Variants in SLC39A9 observed in about 807,000 individuals in gnomAD.
The protein encoded by SLC39A9 is zinc transporter ZIP9.
Under a neutral mutation model 28.4 loss-of-function variants are expected in SLC39A9, and 14 were observed. The observed-to-expected ratio is 0.49, with a 90% CI of 0.33 to 0.77. SLC39A9 has a LOEUF of 0.77. SLC39A9 is among the 30% of genes least tolerant of loss of function. The probability of loss-of-function intolerance (pLI) is 0.02; values close to 1 mark genes in which losing one functional copy is unlikely to be tolerated. For missense variants in SLC39A9, 283 were observed against 381.1 expected (o/e 0.74, Z 2.14); for synonymous variants, 119 against 149.6 (o/e 0.80, Z 1.49).
chr14:69,451,440 A>G (rs889985256), intron 3 of SLC39A9, among the ~76,000 whole-genome samples: 3 of 152,182 alleles, frequency 2.0e-5, no homozygotes, highest in Non-Finnish European at 4.4e-5. Context: ...TATTTAATAC[A>G]CATAAATGCT....
chr14:69,448,338 T>G (rs1230295733), intron 3 of SLC39A9, among the ~76,000 whole-genome samples: 1 of 152,042 alleles, frequency 6.6e-6, no homozygotes, highest in African/African-American at 2.4e-5. Flanking sequence ...AAAGTCACTC[T>G]TTGGAGGAAT....
At chr14:69,435,914 C>T (rs369113609) in intron 2 of SLC39A9, among the ~76,000 whole-genome samples, 1 of 152,140 alleles carries the variant, frequency 6.6e-6, no homozygotes, top group African/African-American at 2.4e-5. Flanking sequence ...CTCAGGTGAT[C>T]CACCTGCCTT....
At chr14:69,441,213 C>G (rs1047592110) in intron 2 of SLC39A9, among the ~76,000 whole-genome samples, 1 of 151,960 alleles carries the variant, frequency 6.6e-6, no homozygotes, top group African/African-American at 2.4e-5. Context: ...CCCGGGAGGT[C>G]GAGGGTGCAG....
In SLC39A9 at chr14:69,399,195, G is replaced by T. The variant is rs1010443053; in HGVS notation, c.-175G>T. 5.6e-5 allele frequency: 35 copies of T among 620,052 alleles called. No individual in the cohort carries two copies. The highest frequency in any genetic ancestry group is 9.1e-5 in the Non-Finnish European group (32 of 351,096). The allele number at this position is 620,052 out of a possible 1,614,324, so 38.4% of individuals were successfully genotyped here. A position where few individuals can be genotyped will look rare whatever the true frequency, so the allele number is the denominator to read the frequency against. ...CTAATATCAGCAAAAAGGGTCTGTT[G>T]CCGGGTACGTTCAAGAGGAAGGTGC... On this transcript the variant is annotated 5_prime_UTR_variant, in exon 1 of 7. Transcript: ENST00000336643.
At chr14:69,455,690 A>G (rs774600070) in intron 5 of SLC39A9, 42 bp from the exon 6 acceptor site, 47 of 1,610,356 alleles carry the variant, frequency 2.9e-5, no homozygotes, top group Admixed American at 1.7e-5. Context: ...GAAGCAACCC[A>G]TACTTCTAGA....
At chr14:69,404,190 A>G (rs1882792343) in intron 1 of SLC39A9, among the ~76,000 whole-genome samples, 1 of 152,228 alleles carries the variant, frequency 6.6e-6, no homozygotes. Flanking sequence ...TGTGCCTGTG[A>G]ATAGCCACTG....
At chr14:69,423,981 G>T in intron 1 of SLC39A9, 113 bp from the exon 2 acceptor site, 2 of 646,584 alleles carry the variant, frequency 3.1e-6, no homozygotes, top group Non-Finnish European at 5.6e-6. Context: ...GCTGTCTATT[G>T]TAGATGTTGG....
At chr14:69,425,934 G>C (rs1001875033) in intron 2 of SLC39A9, among the ~76,000 whole-genome samples, 1 of 152,018 alleles carries the variant, frequency 6.6e-6, no homozygotes, top group African/African-American at 2.4e-5. Context: ...CAAAGTGCTG[G>C]GATTACAGGT....
chr14:69,423,663 C>G (rs190747917), intron 1 of SLC39A9, among the ~76,000 whole-genome samples: 1 of 152,174 alleles, frequency 6.6e-6, no homozygotes, highest in South Asian at 2.1e-4. Flanking sequence ...TCTGGGAGAC[C>G]GAAGCGGGCG....
intron 6 of SLC39A9, among the ~76,000 whole-genome samples, chr14:69,457,953 A>C (rs1260929954): frequency 6.6e-6 from 1 of 152,212 alleles, no homozygotes; most frequent in African/African-American, 2.4e-5. Context: ...TGTGGTGAAT[A>C]TAGTTTAATA....
intron 3 of SLC39A9, among the ~76,000 whole-genome samples, chr14:69,452,416 G>C (rs1323089926): frequency 1.1e-4 from 16 of 152,120 alleles, no homozygotes; most frequent in African/African-American, 3.9e-4. Context: ...TGCAACTTCT[G>C]CCTCCTGGGT....
intron 2 of SLC39A9, among the ~76,000 whole-genome samples, chr14:69,434,392 T>C (rs919020751): frequency 1.3e-5 from 2 of 151,122 alleles, no homozygotes; most frequent in Admixed American, 6.6e-5. Flanking sequence ...CCTATTCTTT[T>C]CTAAGAATTT....
chr14:69,441,114 C>T (rs549774706), intron 2 of SLC39A9, among the ~76,000 whole-genome samples: 3 of 152,128 alleles, frequency 2.0e-5, no homozygotes, highest in African/African-American at 7.2e-5. Context: ...CACATTTCTA[C>T]AAAAAAATTT....
chr14:69,452,789 A>T (rs888262179), intron 3 of SLC39A9, among the ~76,000 whole-genome samples: 1 of 152,220 alleles, frequency 6.6e-6, no homozygotes, highest in East Asian at 1.9e-4. Flanking sequence ...TAGAATGAAG[A>T]TAAAGTTGCA....
At chr14:69,446,831 C>T (rs1885326291) in intron 3 of SLC39A9, among the ~76,000 whole-genome samples, 1 of 148,076 alleles carries the variant, frequency 6.8e-6, no homozygotes, top group Non-Finnish European at 1.5e-5. Flanking sequence ...CAAGATTGTG[C>T]CATTGCACTC....
chr14:69,425,986 AT>A (rs1446693765), intron 2 of SLC39A9, among the ~76,000 whole-genome samples: 2 of 152,088 alleles, frequency 1.3e-5, no homozygotes, highest in African/African-American at 4.8e-5. Context: ...TAAGACTAAA[AT>A]TATCTACCGT....
rs748432486 is a variant in SLC39A9, at chr14:69,424,185, A to G, written c.188A>G (p.Tyr63Cys). The G allele has an allele frequency of 3.2e-5, 52 of 1,612,522 alleles. No individual in the cohort carries two copies. The highest frequency in any genetic ancestry group is 4.2e-5 in the Non-Finnish European group (50 of 1,178,786). Residue 63 changes from tyrosine (Y) to cysteine (C), a missense_variant, in exon 2 of 7, where the codon TAT becomes TGT. By Grantham distance (194) the Tyr-to-Cys change is radical (BLOSUM62 -2). Coordinates refer to ENST00000336643, the MANE Select transcript of SLC39A9 (RefSeq NM_018375.5). ...VIVPEGVHAL[Y>C]EDILEGKHHQ... ...GTGCCTGAAGGAGTACATGCCCTTT[A>G]TGAAGATATTCTTGAGGGTGAGAAA...
chr14:69,432,589 A>G (rs576940926), intron 2 of SLC39A9, among the ~76,000 whole-genome samples: 1 of 152,096 alleles, frequency 6.6e-6, no homozygotes, highest in East Asian at 1.9e-4. Context: ...TTTTGTTGCA[A>G]TTGCTTTTGA....
intron 3 of SLC39A9, among the ~76,000 whole-genome samples, chr14:69,445,828 T>G (rs1015399298): frequency 4.6e-5 from 7 of 152,164 alleles, no homozygotes; most frequent in African/African-American, 1.7e-4. Flanking sequence ...TTCTACATAT[T>G]CAAAAAATAG....
Sources: gnomAD v4.1 joint callset for allele counts (sites outside exome capture counted in the v4.1 genomes callset) on GRCh38, gnomAD v4.1.1 for gene constraint, MANE v1.5 for transcripts, NCBI Gene and HGNC (gene_info 2026-07-23, HGNC 2026-07-21) for gene names.